CSMD2: variants seen among roughly 807,000 people sequenced by gnomAD.
CSMD2 encodes CUB and Sushi multiple domains 2.
CSMD2 carries 130 observed loss-of-function variants against 398.5 expected under a neutral mutation model. That is an observed-to-expected ratio of 0.33 (90% CI 0.28 to 0.38). The LOEUF (loss-of-function observed/expected upper bound fraction) is 0.38, where lower values mean the gene tolerates loss of function less well. Among genes scored for constraint, CSMD2 ranks in the 10% least tolerant of loss-of-function variants. The pLI is 1.00. For synonymous variants in CSMD2, 1,828 were observed against 1,908.5 expected, an observed-to-expected ratio of 0.96 and a Z score of 1.10; for missense variants, 3,829 against 4,764.9, an observed-to-expected ratio of 0.80 and a Z score of 5.78.
intron 6 of CSMD2, among the ~76,000 whole-genome samples, chr1:33,826,202 G>A (rs1658795227): frequency 6.6e-6 from 1 of 152,170 alleles, no homozygotes; most frequent in Admixed American, 6.5e-5. Context: ...CCCTGACAGG[G>A]TATGGTAGAT....
chr1:33,795,649 C>A (rs985383975), intron 10 of CSMD2, among the ~76,000 whole-genome samples: 12 of 152,246 alleles, frequency 7.9e-5, no homozygotes, highest in Admixed American at 1.3e-4. Context: ...CTAACCTTGA[C>A]AAGGGGAGCA....
At chr1:34,121,352 G>A (rs143085771) in intron 1 of CSMD2, among the ~76,000 whole-genome samples, 92 of 152,296 alleles carry the variant, frequency 6.0e-4, no homozygotes, top group Middle Eastern at 3.4e-3. Flanking sequence ...CTACTATACA[G>A]TCCCTGTCCC....
intron 12 of CSMD2, among the ~76,000 whole-genome samples, chr1:33,773,570 C>T (rs1448243084): frequency 1.3e-5 from 2 of 152,140 alleles, no homozygotes; most frequent in Non-Finnish European, 2.9e-5. Flanking sequence ...ATGTCCTGGC[C>T]AAGCCTCTGG....
At chr1:33,935,072 GA>G (rs199731952) in intron 4 of CSMD2, among the ~76,000 whole-genome samples, 10 of 145,678 alleles carry the variant, frequency 6.9e-5, no homozygotes, top group Admixed American at 1.4e-4. Flanking sequence ...AGGAAGAAAG[GA>G]AAAAAAAAAG....
At chr1:33,825,981 C>T (rs1387700429) in intron 6 of CSMD2, among the ~76,000 whole-genome samples, 1 of 152,218 alleles carries the variant, frequency 6.6e-6, no homozygotes, top group African/African-American at 2.4e-5. Context: ...GGCTAGCCCT[C>T]TGAGGGAGGC....
intron 2 of CSMD2, among the ~76,000 whole-genome samples, chr1:34,062,299 C>A (rs921681256): frequency 6.6e-6 from 1 of 152,232 alleles, no homozygotes; most frequent in African/African-American, 2.4e-5. Context: ...TAAAAATAAA[C>A]CCTTAAGCCT....
chr1:33,905,514 T>C (rs1357911544), intron 5 of CSMD2, among the ~76,000 whole-genome samples: 1 of 152,112 alleles, frequency 6.6e-6, no homozygotes, highest in Admixed American at 6.5e-5. Context: ...TTTAGCAAGG[T>C]CAGTTTTAGT....
chr1:33,743,568 C>T lies in CSMD2; in HGVS notation c.1885G>A (p.Val629Ile), dbSNP rs764840113. The change falls in exon 14 of 71, where the codon GTC becomes ATC. Residue 629 changes from valine (V) to isoleucine (I), a missense_variant. Around this residue, in one of 5 missense-constraint regions of CSMD2, gnomAD observed 2,001 missense variants for 2,567.1 expected, o/e 0.78. Transcript: ENST00000373381. ...FFNFTSPSGV[V>I]LSPNYPEDYG... ...TCCTCTGGGTAGTTGGGAGACAGGA[C>T]AACCCCAGACGGGCTGGTGAAGTTG... 4.3e-6 allele frequency: 7 copies of T among 1,609,552 alleles called. No homozygotes were observed. Among genetic ancestry groups the T allele is most frequent in the Admixed American group, 3.3e-5 (2 of 59,850 alleles).
chr1:33,634,341 G>T (rs147348630), intron 31 of CSMD2, among the ~76,000 whole-genome samples: 1 of 152,182 alleles, frequency 6.6e-6, no homozygotes. Context: ...TTTGGCGAAC[G>T]CCTCAAGCAT....
intron 42 of CSMD2, among the ~76,000 whole-genome samples, chr1:33,604,129 A>T (rs1316780827): frequency 6.6e-6 from 1 of 152,234 alleles, no homozygotes; most frequent in Admixed American, 6.5e-5. Flanking sequence ...TTCTGGCTCA[A>T]GCTAGCAGAC....
chr1:33,633,459 G>C lies in CSMD2; in HGVS notation c.5163C>G (p.His1721Gln), dbSNP rs1392951573. ...VVEVHDGHSQHSRLLSSLSGS... is the reference protein window; with the variant it reads ...VVEVHDGHSQQSRLLSSLSGS... ...CCGAGAGGGAGCTGAGGAGCCGCGA[G>C]TGCTGGCTGTGGCCGTCGTGAACCT... Residue 1721 changes from histidine (H) to glutamine (Q), a missense_variant, in exon 32 of 71, where the codon CAC becomes CAG. By Grantham distance (24) the His-to-Gln change is conservative. Coordinates refer to ENST00000373381, the MANE Select transcript of CSMD2 (RefSeq NM_001281956.2). This position sits in a 1 kb window ranked among gnomAD's most constrained non-coding sequence, Gnocchi z 5.0. 1 of 1,554,246 alleles carries C rather than the reference G, an allele frequency of 6.4e-7. No individual in the cohort carries two copies. Among genetic ancestry groups the C allele is most frequent in the African/African-American group, 1.4e-5 (1 of 73,260 alleles).
chr1:33,807,922 A>G (rs1656410997), intron 10 of CSMD2, among the ~76,000 whole-genome samples: 2 of 152,156 alleles, frequency 1.3e-5, no homozygotes. Context: ...GTTAACAGTA[A>G]GAGAATAGAA....
intron 2 of CSMD2, among the ~76,000 whole-genome samples, chr1:34,082,434 C>A (rs909343681): frequency 6.8e-4 from 103 of 152,032 alleles, no homozygotes; most frequent in Non-Finnish European, 8.8e-5. Context: ...CCCCGCCTGG[C>A]AGCCGCCCCA....
chr1:33,541,030 G>T, intron 59 of CSMD2, 100 bp downstream of exon 59: 2 of 1,208,512 alleles, frequency 1.7e-6, no homozygotes, highest in Non-Finnish European at 2.4e-6. Context: ...TGTTAGGGCT[G>T]GCCTTTCACC....
At chr1:34,140,427 T>G (rs1289092238) in intron 1 of CSMD2, among the ~76,000 whole-genome samples, 6 of 152,008 alleles carry the variant, frequency 3.9e-5, no homozygotes, top group Non-Finnish European at 5.9e-5. Flanking sequence ...AAGCAAGGCC[T>G]GGCAAATGTC....
intron 1 of CSMD2, among the ~76,000 whole-genome samples, chr1:34,107,730 T>C (rs1660658773): frequency 6.6e-6 from 1 of 152,240 alleles, no homozygotes; most frequent in Non-Finnish European, 1.5e-5. Flanking sequence ...GGTAGCCCTT[T>C]CCTCAAGTGT....
chr1:34,007,073 T>C (rs1647081622), intron 3 of CSMD2, among the ~76,000 whole-genome samples: 1 of 152,074 alleles, frequency 6.6e-6, no homozygotes, highest in African/African-American at 2.4e-5. Context: ...CCACTTCTGG[T>C]GGAACCTAAA....
At chr1:33,609,164 T>C (rs1207427908) in intron 41 of CSMD2, among the ~76,000 whole-genome samples, 1 of 152,210 alleles carries the variant, frequency 6.6e-6, no homozygotes, top group Non-Finnish European at 1.5e-5. Flanking sequence ...CAGCTTCTCC[T>C]GAGGCTCCCT....
At chr1:33,808,740 C>G (rs991582013) in intron 10 of CSMD2, among the ~76,000 whole-genome samples, 1 of 151,512 alleles carries the variant, frequency 6.6e-6, no homozygotes, top group Non-Finnish European at 1.5e-5. Context: ...AAGATGAGAG[C>G]AGAAACTGAC....
Sources: allele counts gnomAD v4.1 joint callset (sites outside exome capture counted in the v4.1 genomes callset), GRCh38; gene constraint gnomAD v4.1.1; regional missense constraint gnomAD v4.1.1; non-coding constraint Gnocchi (gnomAD v3.1); transcripts MANE v1.5; gene names NCBI Gene and HGNC (gene_info 2026-07-23, HGNC 2026-07-21).